Variants in LRRTM4 observed in about 807,000 individuals in gnomAD.
LRRTM4 encodes leucine rich repeat transmembrane neuronal 4.
Under a neutral mutation model 47.6 loss-of-function variants are expected in LRRTM4, and 25 were observed. The observed-to-expected ratio is 0.53, with a 90% CI of 0.38 to 0.73. The LOEUF (loss-of-function observed/expected upper bound fraction) is 0.73, where lower values mean the gene tolerates loss of function less well. LRRTM4 is among the 30% of genes least tolerant of loss of function. LRRTM4 has a pLI of 0.00. For synonymous variants in LRRTM4, 311 were observed against 269.5 expected, an observed-to-expected ratio of 1.15 and a Z score of -1.51; for missense variants, 638 against 713.4, an observed-to-expected ratio of 0.89 and a Z score of 1.20.
chr2:76,956,367 G>A (rs954123639), intron 3 of LRRTM4, among the ~76,000 whole-genome samples: 2 of 151,406 alleles, frequency 1.3e-5, no homozygotes, highest in Non-Finnish European at 3.0e-5. Flanking sequence ...GGAAAGGTAA[G>A]GGGAACAATT....
chr2:77,073,755 G>C (rs948339301), intron 3 of LRRTM4, among the ~76,000 whole-genome samples: 1 of 150,332 alleles, frequency 6.7e-6, no homozygotes, highest in South Asian at 2.1e-4. Context: ...GTTTTTTTCT[G>C]TCTCTCTCTC....
intron 3 of LRRTM4, among the ~76,000 whole-genome samples, chr2:77,083,552 A>T (rs1223849113): frequency 6.6e-6 from 1 of 152,120 alleles, no homozygotes; most frequent in Non-Finnish European, 1.5e-5. Context: ...TCCTGAAAAT[A>T]TTAGACAGTC....
intron 3 of LRRTM4, among the ~76,000 whole-genome samples, chr2:77,262,629 G>A (rs1440826966): frequency 1.3e-5 from 2 of 151,204 alleles, no homozygotes; most frequent in Non-Finnish European, 2.9e-5. Context: ...AATTTTGAGG[G>A]GTACTGATTG....
At chr2:77,353,693 T>C (rs553014100) in intron 3 of LRRTM4, among the ~76,000 whole-genome samples, 1 of 152,096 alleles carries the variant, frequency 6.6e-6, no homozygotes, top group East Asian at 1.9e-4. Context: ...AATTTATTAT[T>C]ATTATTATTA....
chr2:77,292,995 A>AT (rs1299124665), intron 3 of LRRTM4, among the ~76,000 whole-genome samples: 1 of 151,858 alleles, frequency 6.6e-6, no homozygotes, highest in South Asian at 2.1e-4. Context: ...ATAATAAAAA[A>AT]ATATATATAC....
chr2:77,397,069 T>C (rs56370393), intron 3 of LRRTM4, among the ~76,000 whole-genome samples: 4,930 of 152,004 alleles, frequency 0.032, 273 homozygotes, highest in African/African-American at 0.11. Flanking sequence ...TTGTATGCTG[T>C]GAACTAATAA....
At chr2:77,058,159 A>C (rs1021890980) in intron 3 of LRRTM4, among the ~76,000 whole-genome samples, 3 of 152,200 alleles carry the variant, frequency 2.0e-5, no homozygotes, top group Admixed American at 6.5e-5. Context: ...AAAAAGTTCC[A>C]AGGAAAGTCA....
At chr2:77,054,075 G>A in intron 3 of LRRTM4, among the ~76,000 whole-genome samples, 1 of 152,084 alleles carries the variant, frequency 6.6e-6, no homozygotes, top group South Asian at 2.1e-4. Flanking sequence ...ATAGTCTCTA[G>A]TTTCAAGATA....
At chr2:77,004,456 G>A (rs577056777) in intron 3 of LRRTM4, among the ~76,000 whole-genome samples, 2 of 152,194 alleles carry the variant, frequency 1.3e-5, no homozygotes, top group Non-Finnish European at 2.9e-5. Flanking sequence ...GTACACAGAA[G>A]TCAAGAATTG....
At chr2:77,480,839 GAGA>G (rs1677670958) in intron 3 of LRRTM4, among the ~76,000 whole-genome samples, 1 of 41,028 alleles carries the variant, frequency 2.4e-5, no homozygotes, top group Non-Finnish European at 6.4e-5. Flanking sequence ...GAGAGAGAGA[GAGA>G]GAGAGAGAGA....
At chr2:77,076,029 A>T (rs1488675336) in intron 3 of LRRTM4, among the ~76,000 whole-genome samples, 2 of 151,036 alleles carry the variant, frequency 1.3e-5, no homozygotes, top group African/African-American at 4.9e-5. Flanking sequence ...ATTTCCATTT[A>T]TATCAGTACT....
At chr2:77,212,314 A>G (rs1211590030) in intron 3 of LRRTM4, among the ~76,000 whole-genome samples, 2 of 151,160 alleles carry the variant, frequency 1.3e-5, no homozygotes, top group Non-Finnish European at 2.9e-5. Flanking sequence ...AAATTAATAC[A>G]AAGTGGTTTA....
At chr2:76,853,106 T>C (rs1012295692) in intron 3 of LRRTM4, among the ~76,000 whole-genome samples, 7 of 152,110 alleles carry the variant, frequency 4.6e-5, no homozygotes, top group Non-Finnish European at 1.5e-5. Context: ...GGACTTGATA[T>C]TGGGAGACAT....
At chr2:77,214,160 G>A (rs2103929894) in intron 3 of LRRTM4, among the ~76,000 whole-genome samples, 2 of 152,206 alleles carry the variant, frequency 1.3e-5, no homozygotes, top group South Asian at 4.2e-4. Context: ...TTATGTGGAA[G>A]CAATATCACA....
intron 3 of LRRTM4, among the ~76,000 whole-genome samples, chr2:76,847,548 A>G (rs1671872229): frequency 6.6e-6 from 1 of 151,994 alleles, no homozygotes; most frequent in African/African-American, 2.4e-5. Context: ...AGGTCAGTCT[A>G]GGTTTCTTTA....
At chr2:76,973,148 G>A (rs1000108053) in intron 3 of LRRTM4, among the ~76,000 whole-genome samples, 2 of 139,498 alleles carry the variant, frequency 1.4e-5, no homozygotes, top group Admixed American at 6.8e-5. Flanking sequence ...ATACTTAATG[G>A]TAGTTACAAG....
intron 3 of LRRTM4, among the ~76,000 whole-genome samples, chr2:77,090,227 G>A (rs537223538): frequency 1.3e-4 from 20 of 152,270 alleles, no homozygotes; most frequent in African/African-American, 4.6e-4. Flanking sequence ...GGTGGCTGGT[G>A]CTAAAGGCAT....
intron 3 of LRRTM4, among the ~76,000 whole-genome samples, chr2:77,241,464 A>G (rs1050575711): frequency 1.3e-5 from 2 of 152,076 alleles, no homozygotes; most frequent in African/African-American, 4.8e-5. Flanking sequence ...AGGGGGTAAA[A>G]ATGCAATATG....
chr2:77,183,155 G>A (rs1415346311), intron 3 of LRRTM4, among the ~76,000 whole-genome samples: 2 of 152,098 alleles, frequency 1.3e-5, no homozygotes, highest in Non-Finnish European at 2.9e-5. Context: ...GCAACCTACA[G>A]AATGGGAGAA....
Sources: gnomAD v4.1 joint callset for allele counts (sites outside exome capture counted in the v4.1 genomes callset) on GRCh38, gnomAD v4.1.1 for gene constraint, MANE v1.5 for transcripts, NCBI Gene and HGNC (gene_info 2026-07-23, HGNC 2026-07-21) for gene names.